ASXL2: variants seen among roughly 807,000 people sequenced by gnomAD.
ASXL2 encodes the protein ASXL transcriptional regulator 2.
Under a neutral mutation model 122.0 loss-of-function variants are expected in ASXL2, and 23 were observed. That is an observed-to-expected ratio of 0.19 (90% CI 0.14 to 0.27). ASXL2 has a LOEUF of 0.27. ASXL2 is among the 10% of genes least tolerant of loss of function. The pLI is 1.00. For missense variants in ASXL2, 1,518 were observed against 1,713.8 expected (o/e 0.89, Z 2.02); for synonymous variants, 650 against 637.0 (o/e 1.02, Z -0.31).
At chr2:25,872,297 C>T (rs1264073522) in intron 1 of ASXL2, among the ~76,000 whole-genome samples, 2 of 151,932 alleles carry the variant, frequency 1.3e-5, no homozygotes, top group Non-Finnish European at 2.9e-5. Context: ...CAAGAGGATC[C>T]CTTGAGCCTG....
intron 2 of ASXL2, among the ~76,000 whole-genome samples, chr2:25,842,782 GTGTGTGTGTGTA>G (rs1203607631): frequency 1.6e-5 from 2 of 125,764 alleles, no homozygotes; most frequent in African/African-American, 7.2e-5. Context: ...GTGTGTGTGT[GTGTGTGTGTGTA>G]TATATATATA....
intron 5 of ASXL2, among the ~76,000 whole-genome samples, chr2:25,781,667 T>G (rs2088639908): frequency 7.2e-6 from 1 of 139,038 alleles, no homozygotes; most frequent in Non-Finnish European, 1.5e-5. Context: ...GGTACACACC[T>G]GGCTTTTTTT....
At chr2:25,763,683 CCAGA>C (rs2088292081) in intron 8 of ASXL2, among the ~76,000 whole-genome samples, 1 of 152,126 alleles carries the variant, frequency 6.6e-6, no homozygotes, top group Non-Finnish European at 1.5e-5. Flanking sequence ...TTCCTAAGTG[CCAGA>C]CACTGTTCTA....
At chr2:25,761,672 CAAAAAAAA>C (rs1184631489) in intron 8 of ASXL2, among the ~76,000 whole-genome samples, 1 of 56,878 alleles carries the variant, frequency 1.8e-5, no homozygotes, top group Non-Finnish European at 3.7e-5. Flanking sequence ...GACTCCGTCT[CAAAAAAAA>C]AAAAAAAAAA....
intron 2 of ASXL2, among the ~76,000 whole-genome samples, chr2:25,838,405 A>T (rs2089538536): frequency 6.6e-6 from 1 of 152,340 alleles, no homozygotes; most frequent in South Asian, 2.1e-4. Flanking sequence ...TTTCCTGTTC[A>T]AATTACTGTG....
At chr2:25,787,164 C>T (rs781308067) in intron 5 of ASXL2, among the ~76,000 whole-genome samples, 18 of 152,266 alleles carry the variant, frequency 1.2e-4, no homozygotes, top group African/African-American at 2.4e-4. Flanking sequence ...TGTATACACA[C>T]GAGGAATGCA....
chr2:25,875,247 C>A (rs1332136571), intron 1 of ASXL2, among the ~76,000 whole-genome samples: 1 of 152,098 alleles, frequency 6.6e-6, no homozygotes, highest in East Asian at 1.9e-4. Context: ...TCCTTAGTTA[C>A]TGGAGCCAGT....
At chr2:25,768,603 T>C in intron 7 of ASXL2, 139 bp downstream of exon 7, 2 of 906,160 alleles carry the variant, frequency 2.2e-6, no homozygotes. Context: ...CCTGGATTTA[T>C]ATTGATGTTT....
At chr2:25,782,091 C>G (rs920459673) in intron 5 of ASXL2, among the ~76,000 whole-genome samples, 3 of 150,560 alleles carry the variant, frequency 2.0e-5, no homozygotes, top group Non-Finnish European at 4.4e-5. Context: ...CAAGCATGGG[C>G]CAACAGTTCT....
At chr2:25,769,360 T>C (rs1329949713) in intron 6 of ASXL2, among the ~76,000 whole-genome samples, 2 of 152,194 alleles carry the variant, frequency 1.3e-5, no homozygotes, top group Non-Finnish European at 2.9e-5. Context: ...AGATACAATA[T>C]TTTTACAGAA....
intron 3 of ASXL2, among the ~76,000 whole-genome samples, chr2:25,818,808 T>C (rs550884098): frequency 5.8e-4 from 88 of 152,258 alleles, no homozygotes; most frequent in African/African-American, 2.1e-3. Flanking sequence ...TAGACAGACC[T>C]AAAAAGGCTT....
At chr2:25,759,759 A>T in intron 8 of ASXL2, 114 bp from the exon 9 acceptor site, 5 of 1,080,622 alleles carry the variant, frequency 4.6e-6, no homozygotes, top group Non-Finnish European at 5.2e-6. Flanking sequence ...TAAATATCAC[A>T]CTACGAAGAA....
intron 1 of ASXL2, among the ~76,000 whole-genome samples, chr2:25,850,419 T>C (rs886955713): frequency 5.9e-5 from 9 of 152,240 alleles, no homozygotes; most frequent in African/African-American, 1.9e-4. Flanking sequence ...AACTGTATTG[T>C]AGTTACACAC....
At chr2:25,869,493 T>C (rs1265545874) in intron 1 of ASXL2, among the ~76,000 whole-genome samples, 1 of 152,118 alleles carries the variant, frequency 6.6e-6, no homozygotes, top group Non-Finnish European at 1.5e-5. Flanking sequence ...CTTACTGGCA[T>C]AGACAGAATT....
At position 25,737,102 on chromosome 2, in the gene ASXL2, C is replaced by T. The variant is rs1370516520; in HGVS notation, c.*4927G>A. On this transcript the variant is annotated 3_prime_UTR_variant, in exon 13 of 13. Transcript: ENST00000435504. ...GTCAAATGCTGAAATAGAACCTAAT[C>T]AAGGCACAGGTGTTTCTCTTCACAT... 1 of 152,002 alleles carries T rather than the reference C, an allele frequency of 6.6e-6. No individual in the cohort carries two copies. Among genetic ancestry groups the T allele is most frequent in the Non-Finnish European group, 1.5e-5 (1 of 68,016 alleles). The allele number at this position is 152,002 out of a possible 1,614,324, so 9.4% of individuals were successfully genotyped here.
chr2:25,809,032 T>G (rs1285758482), intron 3 of ASXL2, among the ~76,000 whole-genome samples: 1 of 152,236 alleles, frequency 6.6e-6, no homozygotes, highest in Non-Finnish European at 1.5e-5. Context: ...GTACATAAGC[T>G]ATTCAAGATT....
At chr2:25,859,914 A>T (rs956366601) in intron 1 of ASXL2, among the ~76,000 whole-genome samples, 3 of 152,054 alleles carry the variant, frequency 2.0e-5, no homozygotes, top group African/African-American at 7.3e-5. Context: ...TGCCGGGCAC[A>T]GCGGCTCACC....
chr2:25,835,747 TAAAC>T (rs2089503108), intron 2 of ASXL2, among the ~76,000 whole-genome samples: 1 of 152,206 alleles, frequency 6.6e-6, no homozygotes, highest in Non-Finnish European at 1.5e-5. Flanking sequence ...TGTCTAAAGA[TAAAC>T]AAATTTAGCT....
At chr2:25,791,447 A>T (rs568985652) in intron 5 of ASXL2, among the ~76,000 whole-genome samples, 1 of 151,110 alleles carries the variant, frequency 6.6e-6, no homozygotes, top group South Asian at 2.1e-4. Context: ...AGATCATGCC[A>T]TTGCACTCCA....
Sources: allele counts gnomAD v4.1 joint callset (sites outside exome capture counted in the v4.1 genomes callset), GRCh38; gene constraint gnomAD v4.1.1; transcripts MANE v1.5; gene names NCBI Gene and HGNC (gene_info 2026-07-23, HGNC 2026-07-21).